The following ABCB5 variants were observed in gnomAD, a reference collection of about 807,000 sequenced individuals.
The protein encoded by ABCB5 is ATP-binding cassette sub-family B member 5.
In ABCB5, 155 loss-of-function variants were observed where a neutral mutation model predicts 144.2. The ratio of observed to expected loss-of-function variants is 1.08; its 90% CI spans 0.94 to 1.23. The LOEUF (loss-of-function observed/expected upper bound fraction) is 1.23. Among genes scored for constraint, ABCB5 ranks in the 50% most tolerant of loss-of-function variants. ABCB5 has a pLI of 0.00. For missense variants in ABCB5, 1,830 were observed against 1,520.8 expected, an observed-to-expected ratio of 1.20 and a Z score of -3.38; for synonymous variants, 610 against 528.6, an observed-to-expected ratio of 1.15 and a Z score of -2.11.
At position 20,733,634 on chromosome 7, in the gene ABCB5, T is replaced by C. The variant is rs568346775; in HGVS notation, c.2867+5179T>C. Among the ~76,000 whole-genome samples the C allele has an allele frequency of 9.9e-5, 15 of 151,832 alleles. No homozygotes were observed. The East Asian group carries it at 2.7e-3, about 28-fold the overall frequency. Reference sequence around the variant, plus strand: ...GGTATCACTTTTCTTCTCTTTTCTTTTCTTTTCTTTTTTTTTTTTTTTAAG... The same window carrying C: ...GGTATCACTTTTCTTCTCTTTTCTTCTCTTTTCTTTTTTTTTTTTTTTAAG... On this transcript the variant is annotated intron_variant, in intron 23 of 27. Coordinates refer to ENST00000404938, the MANE Select transcript of ABCB5 (RefSeq NM_001163941.2).
intron 5 of ABCB5, among the ~76,000 whole-genome samples, chr7:20,638,469 G>A (rs912864665): frequency 1.3e-5 from 2 of 152,084 alleles, no homozygotes; most frequent in African/African-American, 2.4e-5. Flanking sequence ...AATATTTTTA[G>A]AACACTTTTA....
At chr7:20,659,416 C>T in intron 14 of ABCB5, 5 of 1,164,136 alleles carry the variant, frequency 4.3e-6, no homozygotes, top group East Asian at 4.2e-5. Context: ...CTAAGAAAAT[C>T]GCAGGCTTCT....
chr7:20,687,745 G>A, intron 16 of ABCB5, among the ~76,000 whole-genome samples: 1 of 152,126 alleles, frequency 6.6e-6, no homozygotes, highest in Non-Finnish European at 1.5e-5. Context: ...TAATGAGCTG[G>A]GGACAGTGAC....
chr7:20,662,996 T>C lies in ABCB5; in HGVS notation c.1707+4320T>C, dbSNP rs190811285. Among the ~76,000 whole-genome samples, 460 of 152,296 alleles carry C rather than the reference T, an allele frequency of 3.0e-3. 11 individuals carry two copies. The highest frequency in any genetic ancestry group is 0.027 in the Admixed American group (418 of 15,290). On this transcript the variant is annotated intron_variant, in intron 14 of 27. Transcript: ENST00000404938. ...ACAGCTAATCCTCACAAGATCCATA[T>C]AAGATTAAGACATTTATTCTCCTGT...
chr7:20,675,725 T>C (rs1390547843), intron 14 of ABCB5, among the ~76,000 whole-genome samples: 2 of 150,640 alleles, frequency 1.3e-5, no homozygotes, highest in Non-Finnish European at 3.0e-5. Flanking sequence ...AAAGGTAGCC[T>C]ACAAAAAGGA....
intron 27 of ABCB5, among the ~76,000 whole-genome samples, chr7:20,754,159 C>A (rs891432829): frequency 6.6e-6 from 1 of 152,166 alleles, no homozygotes; most frequent in Admixed American, 6.5e-5. Context: ...AACAACATGA[C>A]GAATGAGCTT....
intron 1 of ABCB5, among the ~76,000 whole-genome samples, chr7:20,618,764 CTTTTTTTTTTTTTT>C (rs59970398): frequency 3.9e-5 from 2 of 51,544 alleles, no homozygotes; most frequent in East Asian, 6.9e-4. Context: ...GCTGCATTTT[CTTTTTTTTTTTTTT>C]TTTTTTTTTT....
chr7:20,711,281 G>T (rs1021471013), intron 20 of ABCB5, among the ~76,000 whole-genome samples: 7 of 148,792 alleles, frequency 4.7e-5, no homozygotes, highest in Non-Finnish European at 1.0e-4. Flanking sequence ...ATTTCCATTG[G>T]TATCATTTTC....
chr7:20,642,446 G>A (rs915693982), intron 5 of ABCB5, among the ~76,000 whole-genome samples: 1 of 152,062 alleles, frequency 6.6e-6, no homozygotes, highest in African/African-American at 2.4e-5. Flanking sequence ...CTATTTATCT[G>A]CACTAGCTCT....
chr7:20,693,374 G>GA (rs558833707), intron 16 of ABCB5, among the ~76,000 whole-genome samples: 2 of 151,172 alleles, frequency 1.3e-5, no homozygotes, highest in South Asian at 2.1e-4. Flanking sequence ...TCAAAAAAAA[G>GA]AAAAAAAATC....
chr7:20,699,629 A>C (rs533237026), intron 17 of ABCB5, among the ~76,000 whole-genome samples, 196 bp from the exon 18 acceptor site: 2 of 152,066 alleles, frequency 1.3e-5, no homozygotes, highest in South Asian at 4.1e-4. Context: ...TGAACCTGGG[A>C]GGCAGAGGTT....
chr7:20,651,552 G>A lies in ABCB5; in HGVS notation c.1465G>A (p.Val489Met). The change falls in exon 13 of 28, where the codon GTG becomes ATG. Residue 489 changes from valine (V) to methionine (M), a missense_variant. Val to Met is a conservative substitution (Grantham distance 21, BLOSUM62 1). Coordinates refer to ENST00000404938, the MANE Select transcript of ABCB5 (RefSeq NM_001163941.2). Reference protein sequence around the residue: ...SNNIKYGRDDVTDEEMERAAR... With the variant: ...SNNIKYGRDDMTDEEMERAAR... ...CAATATCAAGTATGGACGAGATGAT[G>A]TGACTGATGAAGAGATGGAGAGAGC... is the stretch of plus-strand genomic sequence containing the variant. 2 of 1,614,114 alleles carry A rather than the reference G, an allele frequency of 1.2e-6. No individual in the cohort carries two copies. Among genetic ancestry groups the A allele is most frequent in the Non-Finnish European group, 1.7e-6 (2 of 1,180,008 alleles).
intron 21 of ABCB5, 134 bp downstream of exon 21, chr7:20,723,353 G>C (rs1781935521): frequency 5.4e-6 from 5 of 930,120 alleles, no homozygotes; most frequent in Non-Finnish European, 8.0e-6. Flanking sequence ...TCTGTAAAGT[G>C]ATATGTATAG....
intron 9 of ABCB5, 123 bp downstream of exon 9, chr7:20,646,261 T>G (rs2128023838): frequency 1.0e-6 from 1 of 973,974 alleles, no homozygotes; most frequent in East Asian, 2.6e-5. Context: ...AATATTTGTT[T>G]CCCTCAAATT....
At chr7:20,682,663 G>A (rs972123202) in intron 15 of ABCB5, among the ~76,000 whole-genome samples, 20 of 152,190 alleles carry the variant, frequency 1.3e-4, no homozygotes, top group African/African-American at 4.6e-4. Flanking sequence ...CTTAACGTAT[G>A]TAGGAAGCAC....
At chr7:20,740,784 G>T (rs1309277704) in intron 24 of ABCB5, among the ~76,000 whole-genome samples, 2 of 152,016 alleles carry the variant, frequency 1.3e-5, no homozygotes. Flanking sequence ...GTATGTAAAT[G>T]TTTCTGAATA....
At position 20,711,898 on chromosome 7, in the gene ABCB5, T is replaced by C. The variant is rs1468090221; in HGVS notation, c.2421+7091T>C. 7.6e-3 allele frequency among the ~76,000 whole-genome samples: 912 copies of C among 119,524 alleles called. 83 individuals carry two copies. Among genetic ancestry groups the C allele is most frequent in the African/African-American group, 0.028 (852 of 30,490 alleles). The allele number at this position is 119,524 out of a possible 152,430, so 78.4% of individuals were successfully genotyped here. A position where few individuals can be genotyped will look rare whatever the true frequency, so the allele number is the denominator to read the frequency against. On this transcript the variant is annotated intron_variant, in intron 20 of 27. Coordinates refer to ENST00000404938, the MANE Select transcript of ABCB5 (RefSeq NM_001163941.2). ...CCTCCCTCCCTCCCTCCCTCCTTCC[T>C]TCCTTCCTTCCTTTCTTTCTCTCTC...
intron 14 of ABCB5, among the ~76,000 whole-genome samples, chr7:20,662,735 T>G (rs1785042163): frequency 6.6e-6 from 1 of 151,622 alleles, no homozygotes; most frequent in Non-Finnish European, 1.5e-5. Context: ...TAGCGCTTGA[T>G]GTTAAATTCT....
rs1231690474 is a variant in ABCB5, at chr7:20,704,809, T to C, written c.2421+2T>C. The C allele has an allele frequency of 6.2e-7, 1 of 1,608,184 alleles. No individual in the cohort carries two copies. Among genetic ancestry groups the C allele is most frequent in the South Asian group, 1.1e-5 (1 of 90,806 alleles). On this transcript the variant is annotated splice_donor_variant, in intron 20 of 27. Transcript: ENST00000404938. LOFTEE classifies it high-confidence loss of function. ...ATAGATATAGCACAAATTCAAGGAGTATGTATATTGTTTTTATTGTAAATG... is the reference window on the plus strand; with the variant it reads ...ATAGATATAGCACAAATTCAAGGAGCATGTATATTGTTTTTATTGTAAATG...
Sources: gnomAD v4.1 joint callset for allele counts (sites outside exome capture counted in the v4.1 genomes callset) on GRCh38, gnomAD v4.1.1 for gene constraint, MANE v1.5 for transcripts, NCBI Gene and HGNC (gene_info 2026-07-23, HGNC 2026-07-21) for gene names.